LAMA3: variants seen among roughly 807,000 people sequenced by gnomAD.
LAMA3 encodes the protein laminin subunit alpha 3.
Under a neutral mutation model 402.0 loss-of-function variants are expected in LAMA3, and 281 were observed. The observed-to-expected ratio is 0.70, with a 90% CI of 0.63 to 0.77. LAMA3 has a LOEUF of 0.77. Ranked by LOEUF, LAMA3 falls within the 30% of genes least tolerant of loss-of-function variation. LAMA3 has a pLI of 0.00. For missense variants in LAMA3, 3,840 were observed against 4,215.5 expected, an observed-to-expected ratio of 0.91 and a Z score of 2.47; for synonymous variants, 1,431 against 1,558.4, an observed-to-expected ratio of 0.92 and a Z score of 1.93.
At chr18:23,724,781 A>C in intron 2 of LAMA3, among the ~76,000 whole-genome samples, 1 of 152,204 alleles carries the variant, frequency 6.6e-6, no homozygotes, top group East Asian at 1.9e-4. Context: ...TGAATTCTTC[A>C]TGACAGTTCA....
At chr18:23,794,777 A>C (rs1206448774) in intron 12 of LAMA3, among the ~76,000 whole-genome samples, 1 of 152,198 alleles carries the variant, frequency 6.6e-6, no homozygotes, top group East Asian at 1.9e-4. Context: ...AGTCAGTTGC[A>C]TCTCCATGTG....
At position 23,689,835 on chromosome 18, in the gene LAMA3, A is replaced by G; in HGVS notation, c.152A>G (p.Tyr51Cys). The change falls in exon 1 of 75, where the codon TAC becomes TGC. Residue 51 changes from tyrosine to cysteine, a missense_variant. Physicochemically the swap from Tyr to Cys is radical, Grantham distance 194. This residue lies in a region of LAMA3 where 2,109 missense variants were observed against 2,376.0 expected (regional missense o/e 0.89). Coordinates refer to ENST00000313654, the MANE Select transcript of LAMA3 (RefSeq NM_198129.4). ...AAAGLSLHPT[Y>C]FNLAEAARIW... ...GCCGGGCTCAGCCTTCACCCGACTT[A>G]CTTCAACCTGGCCGAGGCGGCGAGG... 1 of 1,553,206 alleles carries G rather than the reference A, an allele frequency of 6.4e-7. No individual in the cohort carries two copies. The highest frequency in any genetic ancestry group is 1.2e-5 in the South Asian group (1 of 84,024).
intron 74 of LAMA3, among the ~76,000 whole-genome samples, chr18:23,953,938 A>G (rs1383000998): frequency 6.6e-6 from 1 of 152,202 alleles, no homozygotes; most frequent in Non-Finnish European, 1.5e-5. Flanking sequence ...TTCATTACCC[A>G]TAAAAAGTAC....
intron 32 of LAMA3, among the ~76,000 whole-genome samples, chr18:23,856,054 C>T (rs1254157275): frequency 6.6e-6 from 1 of 152,164 alleles, no homozygotes; most frequent in Non-Finnish European, 1.5e-5. Context: ...TTAATCCTCA[C>T]GACAATCCTG....
rs529694856 is a variant in LAMA3, at chr18:23,919,701, G to C, written c.7924-1234G>C. 1.1e-4 allele frequency among the ~76,000 whole-genome samples: 16 copies of C among 152,272 alleles called. No individual in the cohort carries two copies. In the South Asian group the frequency reaches 2.7e-3, roughly 26 times the overall value. ...GGCCTGGAGGTGGGAAGGGCAGGGA[G>C]CACTCAGTGGAACAGTGGCTGCGGG... On this transcript the variant is annotated intron_variant, in intron 60 of 74. Transcript: ENST00000313654.
Position 23,753,581 on chromosome 18 carries a change from A to T in LAMA3, c.856-140A>T. 4.3e-6 allele frequency: 3 copies of T among 703,622 alleles called. No homozygotes were observed. In the South Asian group the frequency reaches 4.5e-5, roughly 11 times the overall value. The allele number at this position is 703,622 out of a possible 1,614,324, so 43.6% of individuals were successfully genotyped here. On this transcript the variant is annotated intron_variant, in intron 5 of 74. Coordinates refer to ENST00000313654, the MANE Select transcript of LAMA3 (RefSeq NM_198129.4). ...GAGGAATGTGTTTATTTTATAAGACATGTTACATCCCAATGTAGGGCTCAA... is the reference window on the plus strand; with the variant it reads ...GAGGAATGTGTTTATTTTATAAGACTTGTTACATCCCAATGTAGGGCTCAA...
At chr18:23,831,592 A>G (rs989872498) in intron 23 of LAMA3, among the ~76,000 whole-genome samples, 7 of 152,110 alleles carry the variant, frequency 4.6e-5, no homozygotes, top group African/African-American at 1.7e-4. Context: ...TCTGCAGAAC[A>G]TTATTCACAT....
At chr18:23,837,223 C>A in intron 25 of LAMA3, 134 bp downstream of exon 25, 1 of 702,324 alleles carries the variant, frequency 1.4e-6, no homozygotes, top group Non-Finnish European at 2.6e-6. Context: ...AATGTTTATT[C>A]TTCCCATCTA....
intron 12 of LAMA3, among the ~76,000 whole-genome samples, chr18:23,791,122 C>T (rs917811919): frequency 7.2e-5 from 11 of 152,082 alleles, no homozygotes; most frequent in Non-Finnish European, 1.5e-4. Flanking sequence ...GTGATCCGCC[C>T]GCCTCAGCCT....
intron 2 of LAMA3, among the ~76,000 whole-genome samples, chr18:23,714,386 G>A (rs1166986605): frequency 2.0e-5 from 3 of 152,088 alleles, no homozygotes; most frequent in South Asian, 2.1e-4. Context: ...CGGGTGTGGT[G>A]GCGGATGCGT....
rs2065017373 is a variant in LAMA3, at chr18:23,884,828, G to A, written c.5278G>A (p.Gly1760Arg). 1 of 1,613,524 alleles carries A rather than the reference G, an allele frequency of 6.2e-7. No individual in the cohort carries two copies. Among genetic ancestry groups the A allele is most frequent in the East Asian group, 2.2e-5 (1 of 44,854 alleles). ...AGACGTGCGGTGCTCCTGCAAAGCTGGGTACACAGGAACACAGTGTGAAAG... is the reference window on the plus strand; with the variant it reads ...AGACGTGCGGTGCTCCTGCAAAGCTAGGTACACAGGAACACAGTGTGAAAG... ...GGDVRCSCKA[G>R]YTGTQCERCA... Residue 1760 changes from glycine (G) to arginine (R), a missense_variant, in exon 41 of 75, where the codon GGG becomes AGG. Around this residue, in one of 3 missense-constraint regions of LAMA3, gnomAD observed 2,109 missense variants for 2,376.0 expected, o/e 0.89. Transcript: ENST00000313654.
At chr18:23,869,213 T>C (rs2064443486) in intron 37 of LAMA3, among the ~76,000 whole-genome samples, 1 of 152,206 alleles carries the variant, frequency 6.6e-6, no homozygotes, top group Admixed American at 6.5e-5. Flanking sequence ...CATCTGGAAA[T>C]GGCACACAAT....
At chr18:23,774,144 A>T (rs1342628517) in intron 9 of LAMA3, among the ~76,000 whole-genome samples, 1 of 152,082 alleles carries the variant, frequency 6.6e-6, no homozygotes, top group Non-Finnish European at 1.5e-5. Context: ...AATTGCTTGA[A>T]CCCAGGAGGC....
intron 39 of LAMA3, among the ~76,000 whole-genome samples, chr18:23,877,233 A>G (rs1339845556): frequency 1.3e-5 from 2 of 152,156 alleles, no homozygotes; most frequent in Non-Finnish European, 2.9e-5. Flanking sequence ...TCATGGCCTC[A>G]AGGCTGTCTT....
chr18:23,876,322 A>G lies in LAMA3; in HGVS notation c.5027A>G (p.His1676Arg), dbSNP rs779228347. 2 of 1,613,868 alleles carry G rather than the reference A, an allele frequency of 1.2e-6. No homozygotes were observed. Among genetic ancestry groups the G allele is most frequent in the Non-Finnish European group, 1.7e-6 (2 of 1,179,788 alleles). ...QGCSPGYYRDHKGLYTGRCVP... is the reference protein window; with the variant it reads ...QGCSPGYYRDRKGLYTGRCVP... ...TGTAGCCCTGGATACTATCGGGATC[A>G]TAAAGGCTTGTATACCGGACGGTGT... Residue 1676 changes from histidine (H) to arginine (R), a missense_variant, in exon 39 of 75, where the codon CAT (histidine) becomes CGT (arginine). Around this residue, in one of 3 missense-constraint regions of LAMA3, gnomAD observed 2,109 missense variants for 2,376.0 expected, o/e 0.89. Transcript: ENST00000313654.
intron 32 of LAMA3, among the ~76,000 whole-genome samples, chr18:23,853,781 T>C (rs369196560): frequency 9.8e-5 from 15 of 152,314 alleles, no homozygotes; most frequent in African/African-American, 3.6e-4. Flanking sequence ...GGGCTGTTCC[T>C]TGGGTACCAT....
At chr18:23,855,469 G>C (rs2064053657) in intron 32 of LAMA3, among the ~76,000 whole-genome samples, 1 of 152,178 alleles carries the variant, frequency 6.6e-6, no homozygotes, top group Non-Finnish European at 1.5e-5. Context: ...CACACTCGCT[G>C]TCTCTCCAGA....
intron 64 of LAMA3, among the ~76,000 whole-genome samples, chr18:23,930,613 T>C (rs1016652979): frequency 2.0e-5 from 3 of 152,000 alleles, no homozygotes; most frequent in African/African-American, 7.3e-5. Flanking sequence ...CCGGCTGTGG[T>C]GGTGTGCGCC....
chr18:23,921,137 T>G (rs1453542936), intron 61 of LAMA3, 83 bp downstream of exon 61: 12 of 1,419,048 alleles, frequency 8.5e-6, no homozygotes, highest in African/African-American at 1.4e-5. Context: ...AATAAATAAA[T>G]AAAACTTCCT....
Sources: allele counts gnomAD v4.1 joint callset (sites outside exome capture counted in the v4.1 genomes callset), GRCh38; gene constraint gnomAD v4.1.1; regional missense constraint gnomAD v4.1.1; transcripts MANE v1.5; gene names NCBI Gene and HGNC (gene_info 2026-07-23, HGNC 2026-07-21).